DPYSL2: variants seen among roughly 807,000 people sequenced by gnomAD.
DPYSL2 encodes dihydropyrimidinase like 2.
In DPYSL2, 13 loss-of-function variants were observed where a neutral mutation model predicts 69.9. That is an observed-to-expected ratio of 0.19 (90% confidence interval 0.12 to 0.30). The LOEUF is 0.30. DPYSL2 is among the 10% of genes least tolerant of loss of function. The pLI, the probability that DPYSL2 is intolerant of heterozygous loss-of-function variation, is 1.00. For missense variants in DPYSL2, 587 were observed against 918.9 expected, an observed-to-expected ratio of 0.64 and a Z score of 4.67; for synonymous variants, 326 against 359.1, an observed-to-expected ratio of 0.91 and a Z score of 1.04.
At chr8:26,639,108 A>G (rs1024878071) in intron 8 of DPYSL2, among the ~76,000 whole-genome samples, 3 of 152,232 alleles carry the variant, frequency 2.0e-5, no homozygotes, top group Admixed American at 6.5e-5. Context: ...CCTGTGGGTC[A>G]ATAGGAGTGA....
At position 26,657,051 on chromosome 8, in the gene DPYSL2, G is replaced by C. The variant is rs1346019847; in HGVS notation, c.*1345G>C. ...GAACACATGGGAGCTTTTTATTTTC[G>C]GGGAAAAACCGTATTTTTTTCTTGT... On this transcript the variant is annotated 3_prime_UTR_variant, in exon 14 of 14. Coordinates refer to ENST00000521913, the MANE Select transcript of DPYSL2 (RefSeq NM_001197293.3). 1 of 151,958 alleles carries C rather than the reference G, an allele frequency of 6.6e-6. No individual in the cohort carries two copies. The highest frequency in any genetic ancestry group is 1.5e-5 in the Non-Finnish European group (1 of 67,980). 9.4% of individuals were successfully genotyped at this position (151,958 alleles called of 1,614,324 possible). A position where few individuals can be genotyped will look rare whatever the true frequency, so the allele number is the denominator to read the frequency against.
intron 3 of DPYSL2, among the ~76,000 whole-genome samples, chr8:26,611,651 A>G (rs1392419207): frequency 6.6e-6 from 1 of 152,174 alleles, no homozygotes; most frequent in East Asian, 1.9e-4. Flanking sequence ...GGATTTCAAC[A>G]TCTCTTGGAG....
At chr8:26,639,406 T>G (rs1802990760) in intron 8 of DPYSL2, among the ~76,000 whole-genome samples, 1 of 152,196 alleles carries the variant, frequency 6.6e-6, no homozygotes, top group Admixed American at 6.5e-5. Flanking sequence ...AAGGCAGAAT[T>G]CCTTCCCAAT....
At chr8:26,574,869 C>T (rs1203175910) in intron 1 of DPYSL2, among the ~76,000 whole-genome samples, 2 of 152,198 alleles carry the variant, frequency 1.3e-5, no homozygotes, top group Non-Finnish European at 2.9e-5. Flanking sequence ...TCAGCCCCAA[C>T]CTTCCCCTGC....
intron 1 of DPYSL2, among the ~76,000 whole-genome samples, chr8:26,577,663 C>G (rs148956177): frequency 6.6e-6 from 1 of 150,896 alleles, no homozygotes; most frequent in Non-Finnish European, 1.5e-5. Flanking sequence ...CAGGCCGCGC[C>G]TGGGGCCGCC....
rs1218897709 is a variant in DPYSL2 at position 26,610,617 on chromosome 8, G to A, written c.629-13526G>A. On this transcript the variant is annotated intron_variant, in intron 3 of 13. Transcript: ENST00000521913. This position sits in a 1 kb window ranked among gnomAD's most constrained non-coding sequence, Gnocchi z 4.5. ...ACGCCTTTATCCAGTCCCTTCCCAC[G>A]CCCTGTTCCTCATTGGAATCCTCTG... Among the ~76,000 whole-genome samples, 2 of 151,796 alleles carry A rather than the reference G, an allele frequency of 1.3e-5. No individual in the cohort carries two copies. Among genetic ancestry groups the A allele is most frequent in the East Asian group, 1.9e-4 (1 of 5,166 alleles).
intron 8 of DPYSL2, chr8:26,637,651 C>G (rs972352704): frequency 6.6e-6 from 1 of 152,176 alleles, no homozygotes; most frequent in Admixed American, 6.5e-5. Context: ...TCCCAAATGA[C>G]CAAGAAGGAA....
In DPYSL2 at chr8:26,617,216, G is replaced by C. The variant is rs1441637222; in HGVS notation, c.629-6927G>C. 2.0e-5 allele frequency among the ~76,000 whole-genome samples: 3 copies of C among 152,126 alleles called. No individual in the cohort carries two copies. Among genetic ancestry groups the C allele is most frequent in the Admixed American group, 2.0e-4 (3 of 15,278 alleles). ...TTCCTTTGGGGGAAACGGGGTGAAG[G>C]GTATGAAGGTTCTCTCTGTGTCATT... On this transcript the variant is annotated intron_variant, in intron 3 of 13. Transcript: ENST00000521913. The surrounding 1 kb of genome is among the most constrained non-coding windows in gnomAD (Gnocchi z 4.7).
rs1801579443 is a variant in DPYSL2 at position 26,585,413 on chromosome 8, C to T, written c.628+1430C>T. The stretch of plus-strand genomic sequence containing the variant: ...CTGGCGTTCTCTCTGTCCTGGCCCT[C>T]AGGGTCTGAAGCATCAGGAACAGCT... On this transcript the variant is annotated intron_variant, in intron 3 of 13. Coordinates refer to ENST00000521913, the MANE Select transcript of DPYSL2 (RefSeq NM_001197293.3). The surrounding 1 kb of genome is among the most constrained non-coding windows in gnomAD (Gnocchi z 4.0). Among the ~76,000 whole-genome samples, 2 of 152,176 alleles carry T rather than the reference C, an allele frequency of 1.3e-5. No individual in the cohort carries two copies. The highest frequency in any genetic ancestry group is 2.1e-4 in the South Asian group (1 of 4,826).
chr8:26,602,135 GA>G (rs535498656), intron 3 of DPYSL2, among the ~76,000 whole-genome samples: 11 of 142,084 alleles, frequency 7.7e-5, no homozygotes, highest in South Asian at 2.3e-4. Context: ...TAAAACAAAG[GA>G]AATTTTTTTT....
In DPYSL2 at chr8:26,643,394, C is replaced by T. The variant is rs1394993791; in HGVS notation, c.1127-45C>T. 1 of 1,535,874 alleles carries T rather than the reference C, an allele frequency of 6.5e-7. No homozygotes were observed. Among genetic ancestry groups the T allele is most frequent in the East Asian group, 2.3e-5 (1 of 43,936 alleles). On this transcript the variant is annotated intron_variant, in intron 8 of 13. Coordinates refer to ENST00000521913, the MANE Select transcript of DPYSL2 (RefSeq NM_001197293.3). The surrounding 1 kb of genome is among the most constrained non-coding windows in gnomAD (Gnocchi z 6.5). Reference sequence around the variant, plus strand: ...GCTCCTCATAGGGGTGGTTCCCTTCCCCCTGCATTGTGTTGGACTGAACCT... The same window carrying T: ...GCTCCTCATAGGGGTGGTTCCCTTCTCCCTGCATTGTGTTGGACTGAACCT...
intron 1 of DPYSL2, among the ~76,000 whole-genome samples, chr8:26,531,080 G>A (rs1292845546): frequency 3.4e-5 from 5 of 149,096 alleles, no homozygotes; most frequent in South Asian, 2.1e-4. Context: ...AAAAAAAAAG[G>A]TGATGAGGGA....
intron 1 of DPYSL2, 113 bp from the exon 2 acceptor site, chr8:26,581,856 T>TA: frequency 1.2e-6 from 1 of 827,036 alleles, no homozygotes. Flanking sequence ...CAAAATGGGC[T>TA]TATTTTGAAC....
In DPYSL2 at chr8:26,647,596, T is replaced by C. The variant is rs1465907896; in HGVS notation, c.1426-34T>C. On this transcript the variant is annotated intron_variant, in intron 10 of 13. Coordinates refer to ENST00000521913, the MANE Select transcript of DPYSL2 (RefSeq NM_001197293.3). The surrounding 1 kb of genome is among the most constrained non-coding windows in gnomAD (Gnocchi z 5.1). ...AACTTTTTAACTCGTTTCTGCTGTG[T>C]GCCTCCTGTGCACACCTATGCTGTC... 1.1e-5 allele frequency: 17 copies of C among 1,569,894 alleles called. No individual in the cohort carries two copies. Among genetic ancestry groups the C allele is most frequent in the Non-Finnish European group, 1.3e-5 (15 of 1,158,970 alleles).
chr8:26,590,312 C>T (rs1039469500), intron 3 of DPYSL2, among the ~76,000 whole-genome samples: 1 of 152,212 alleles, frequency 6.6e-6, no homozygotes, highest in African/African-American at 2.4e-5. Context: ...GTGCTCCTCC[C>T]CTTGTCCCCT....
rs1034209370 is a variant in DPYSL2, at chr8:26,585,933, G to A, written c.628+1950G>A. 3.3e-5 allele frequency among the ~76,000 whole-genome samples: 5 copies of A among 152,188 alleles called. No individual in the cohort carries two copies. The East Asian group carries it at 7.7e-4, about 24-fold the overall frequency. On this transcript the variant is annotated intron_variant, in intron 3 of 13. Transcript: ENST00000521913. This position sits in a 1 kb window ranked among gnomAD's most constrained non-coding sequence, Gnocchi z 4.0. ...TTGAGACTAGCCTGGCCAATATGGC[G>A]AATCTACTACAAATACAAAAATTAG...
At chr8:26,573,986 G>A (rs1477400461) in intron 1 of DPYSL2, among the ~76,000 whole-genome samples, 1 of 151,560 alleles carries the variant, frequency 6.6e-6, no homozygotes, top group Non-Finnish European at 1.5e-5. Context: ...TGCACAAAAT[G>A]TTAAGGGCAC....
chr8:26,633,128 G>A (rs1434548997), intron 7 of DPYSL2, among the ~76,000 whole-genome samples: 1 of 152,230 alleles, frequency 6.6e-6, no homozygotes, highest in Non-Finnish European at 1.5e-5. Flanking sequence ...GAAATACCAT[G>A]AACATAAAAT....
chr8:26,622,474 A>ATG (rs780934873), intron 3 of DPYSL2, among the ~76,000 whole-genome samples: 3 of 91,594 alleles, frequency 3.3e-5, no homozygotes, highest in African/African-American at 1.1e-4. Flanking sequence ...GTGTGTGTGT[A>ATG]TATGTGTGTG....
Sources: gnomAD v4.1 joint callset for allele counts (sites outside exome capture counted in the v4.1 genomes callset) on GRCh38, gnomAD v4.1.1 for gene constraint, Gnocchi (gnomAD v3.1) non-coding constraint, MANE v1.5 for transcripts, NCBI Gene and HGNC (gene_info 2026-07-23, HGNC 2026-07-21) for gene names.